The following STXBP6 variants were observed in gnomAD, a reference collection of about 807,000 sequenced individuals.
STXBP6 encodes the protein syntaxin binding protein 6.
In STXBP6, 21 loss-of-function variants were observed where a neutral mutation model predicts 26.9. The observed-to-expected ratio is 0.78, with a 90% CI of 0.55 to 1.12. The LOEUF is 1.12. Ranked by LOEUF, STXBP6 falls within the 50% of genes most tolerant of loss-of-function variation. The pLI is 0.00. For missense variants in STXBP6, 232 were observed against 257.9 expected (o/e 0.90, Z 0.69); for synonymous variants, 97 against 92.6 (o/e 1.05, Z -0.27).
chr14:24,849,025 T>C (rs1025842554), intron 4 of STXBP6, among the ~76,000 whole-genome samples: 1 of 152,152 alleles, frequency 6.6e-6, no homozygotes, highest in South Asian at 2.1e-4. Context: ...ATGGGTCACA[T>C]AGGACTATAA....
chr14:24,887,013 T>C (rs1420675737), intron 2 of STXBP6, among the ~76,000 whole-genome samples: 1 of 152,182 alleles, frequency 6.6e-6, no homozygotes, highest in Non-Finnish European at 1.5e-5. Flanking sequence ...CAGAATTTCA[T>C]CTAGCTTCTG....
intron 2 of STXBP6, among the ~76,000 whole-genome samples, chr14:24,936,570 A>G (rs891909030): frequency 6.6e-6 from 1 of 152,224 alleles, no homozygotes; most frequent in African/African-American, 2.4e-5. Flanking sequence ...AAAAGGTACT[A>G]TTATTTATGT....
chr14:24,988,887 A>T (rs1308672487), intron 1 of STXBP6, among the ~76,000 whole-genome samples: 1 of 152,196 alleles, frequency 6.6e-6, no homozygotes, highest in Non-Finnish European at 1.5e-5. Flanking sequence ...TTTGGTACTA[A>T]GTGTTCTTGA....
chr14:24,931,627 G>T (rs976649685), intron 2 of STXBP6, among the ~76,000 whole-genome samples: 27 of 152,176 alleles, frequency 1.8e-4, no homozygotes, highest in South Asian at 2.1e-4. Flanking sequence ...TTGAACAAGT[G>T]AAGTGTACTC....
At chr14:24,921,547 A>C (rs2071978379) in intron 2 of STXBP6, among the ~76,000 whole-genome samples, 1 of 152,132 alleles carries the variant, frequency 6.6e-6, no homozygotes, top group Non-Finnish European at 1.5e-5. Flanking sequence ...CTTTACTATA[A>C]GAGGGTAGAA....
chr14:24,929,149 A>G (rs939274348), intron 2 of STXBP6, among the ~76,000 whole-genome samples: 2 of 152,370 alleles, frequency 1.3e-5, no homozygotes, highest in South Asian at 4.1e-4. Flanking sequence ...AATCCCAAGC[A>G]CAAACTGGAT....
At chr14:24,936,592 T>C (rs2072607957) in intron 2 of STXBP6, among the ~76,000 whole-genome samples, 2 of 152,218 alleles carry the variant, frequency 1.3e-5, no homozygotes, top group African/African-American at 4.8e-5. Context: ...ACAGGCACTA[T>C]TATTTGTGTA....
chr14:24,916,657 G>C (rs541050051), intron 2 of STXBP6, among the ~76,000 whole-genome samples: 1 of 152,136 alleles, frequency 6.6e-6, no homozygotes, highest in Non-Finnish European at 1.5e-5. Context: ...TCAAGGTCTG[G>C]ATTAGAATGT....
intron 2 of STXBP6, among the ~76,000 whole-genome samples, chr14:24,918,847 T>C (rs1207743204): frequency 6.6e-6 from 1 of 152,094 alleles, no homozygotes; most frequent in Non-Finnish European, 1.5e-5. Context: ...GTTTCAATTT[T>C]GTTCTAAACC....
At chr14:24,836,662 G>C (rs2068628239) in intron 4 of STXBP6, among the ~76,000 whole-genome samples, 1 of 147,706 alleles carries the variant, frequency 6.8e-6, no homozygotes, top group African/African-American at 2.5e-5. Context: ...CAAAAGGGTA[G>C]CTATTAACAG....
Position 24,875,088 on chromosome 14 carries a change from G to A in STXBP6, c.155-17931C>T, listed in dbSNP as rs147362755. Among the ~76,000 whole-genome samples, 677 of 152,322 alleles carry A rather than the reference G, an allele frequency of 4.4e-3. 4 individuals are homozygous for A. The highest frequency in any genetic ancestry group is 0.015 in the African/African-American group (631 of 41,582). On this transcript the variant is annotated intron_variant, in intron 2 of 5. Coordinates refer to ENST00000323944, the MANE Select transcript of STXBP6 (RefSeq NM_001394410.1). ...GACTGCAGCTAACTGAATAACAGCA[G>A]CAGCTCTAACAGGGAGGAAGCATCG...
intron 1 of STXBP6, among the ~76,000 whole-genome samples, chr14:24,992,827 G>A (rs1356382846): frequency 6.6e-6 from 1 of 152,144 alleles, no homozygotes; most frequent in Non-Finnish European, 1.5e-5. Context: ...CTGAAAAACA[G>A]GCAGACTTGA....
chr14:25,020,188 A>C (rs118076386), intron 1 of STXBP6, among the ~76,000 whole-genome samples: 1,711 of 152,322 alleles, frequency 0.011, 13 homozygotes, highest in Middle Eastern at 0.024. Context: ...CTTCAGAGGC[A>C]ATATGACCAT....
At chr14:24,989,995 G>A (rs916544820) in intron 1 of STXBP6, among the ~76,000 whole-genome samples, 2 of 152,216 alleles carry the variant, frequency 1.3e-5, no homozygotes, top group African/African-American at 4.8e-5. Flanking sequence ...ATTGAGAATT[G>A]TGGCTTCAGA....
intron 2 of STXBP6, among the ~76,000 whole-genome samples, chr14:24,957,621 T>G (rs1449554825): frequency 6.6e-6 from 1 of 152,242 alleles, no homozygotes; most frequent in African/African-American, 2.4e-5. Flanking sequence ...ACTAAGCATT[T>G]ACTATATTCT....
Position 25,049,947 on chromosome 14 carries a change from C to A in STXBP6, c.-102G>T. 1 of 912,680 alleles carries A rather than the reference C, an allele frequency of 1.1e-6. No homozygotes were observed. The allele number at this position is 912,680 out of a possible 1,614,324, so 56.5% of individuals were successfully genotyped here. On this transcript the variant is annotated 5_prime_UTR_variant, in exon 1 of 6. Coordinates refer to ENST00000323944, the MANE Select transcript of STXBP6 (RefSeq NM_001394410.1). This position sits in a 1 kb window ranked among gnomAD's most constrained non-coding sequence, Gnocchi z 5.6. The stretch of plus-strand genomic sequence containing the variant: ...CGTCCCAGAGCACGAGGCTCCTCCC[C>A]GGGGGGCTGCCCCGCGCGGGGCTCC...
At chr14:24,985,784 A>G (rs1421194051) in intron 1 of STXBP6, among the ~76,000 whole-genome samples, 1 of 152,222 alleles carries the variant, frequency 6.6e-6, no homozygotes, top group Non-Finnish European at 1.5e-5. Context: ...ACCTCAGTTA[A>G]AAAGTGTGGG....
At chr14:24,891,385 A>G (rs1208950239) in intron 2 of STXBP6, among the ~76,000 whole-genome samples, 3 of 152,182 alleles carry the variant, frequency 2.0e-5, no homozygotes, top group African/African-American at 7.2e-5. Flanking sequence ...CTCAGTTCAT[A>G]TCCTGTATAT....
chr14:25,012,876 G>C (rs1363532316), intron 1 of STXBP6, among the ~76,000 whole-genome samples: 2 of 152,126 alleles, frequency 1.3e-5, no homozygotes, highest in African/African-American at 4.8e-5. Context: ...AAGGATTCAG[G>C]AGACCACACA....
Sources: gnomAD v4.1 joint callset for allele counts (sites outside exome capture counted in the v4.1 genomes callset) on GRCh38, gnomAD v4.1.1 for gene constraint, Gnocchi (gnomAD v3.1) non-coding constraint, MANE v1.5 for transcripts, NCBI Gene and HGNC (gene_info 2026-07-23, HGNC 2026-07-21) for gene names.